HYDIN: variants seen among roughly 807,000 people sequenced by gnomAD.
HYDIN encodes the protein axonemal central pair apparatus protein HYDIN.
In HYDIN, 132 loss-of-function variants were observed where a neutral mutation model predicts 403.9. The observed-to-expected ratio is 0.33, with a 90% CI of 0.28 to 0.38. The LOEUF (loss-of-function observed/expected upper bound fraction) is 0.38, where lower values mean the gene tolerates loss of function less well. HYDIN is among the 10% of genes least tolerant of loss of function. The pLI is 1.00. For missense variants in HYDIN, 2,827 were observed against 5,009.5 expected, an observed-to-expected ratio of 0.56 and a Z score of 13.15; for synonymous variants, 1,202 against 1,891.7, an observed-to-expected ratio of 0.64 and a Z score of 9.46.
chr16:71,103,010 G>T (rs1318419995), intron 10 of HYDIN, among the ~76,000 whole-genome samples: 2 of 150,064 alleles, frequency 1.3e-5, no homozygotes, highest in African/African-American at 4.9e-5. Flanking sequence ...AATGCCTTGT[G>T]TTATACAGGA....
chr16:71,070,734 A>G (rs1490237884), intron 13 of HYDIN, among the ~76,000 whole-genome samples: 244 of 131,184 alleles, frequency 1.9e-3, no homozygotes, highest in Non-Finnish European at 3.0e-3. Context: ...GCATATTTCT[A>G]CTGGATGGAA....
intron 5 of HYDIN, among the ~76,000 whole-genome samples, chr16:71,172,645 C>T (rs1038599928): frequency 2.0e-5 from 3 of 151,956 alleles, no homozygotes; most frequent in Admixed American, 6.6e-5. Flanking sequence ...AGATGATGGG[C>T]GGGAGGGAAA....
At chr16:70,938,508 T>C (rs2077566964) in intron 44 of HYDIN, 106 bp downstream of exon 44, 2 of 721,702 alleles carry the variant, frequency 2.8e-6, no homozygotes, top group Admixed American at 2.5e-5. Context: ...CTGCAGCTCC[T>C]GCTGCCTGCC....
rs114079811 is a variant in HYDIN at position 70,806,938 on chromosome 16, G to A, written c.*642C>T. 0.042 allele frequency among the ~76,000 whole-genome samples: 6,341 copies of A among 152,160 alleles called. 466 individuals are homozygous for A. The highest frequency in any genetic ancestry group is 0.14 in the African/African-American group (5,958 of 41,476). Reference sequence around the variant, plus strand: ...ATCCAAGGCGGGGTGTGTATGTGTGGTGGGGGGAGCTGGGATCTCTATTAG... The same window carrying A: ...ATCCAAGGCGGGGTGTGTATGTGTGATGGGGGGAGCTGGGATCTCTATTAG... On this transcript the variant is annotated 3_prime_UTR_variant, in exon 86 of 86. Coordinates refer to ENST00000393567, the MANE Select transcript of HYDIN (RefSeq NM_001270974.2).
chr16:70,910,051 T>C lies in HYDIN; in HGVS notation c.8005-1190A>G, dbSNP rs1168848300. ...AAATAAGTATTAATCAAAGTTCCTATATTGTGTTTTGTTATGTTTCTTTTT... is the reference window on the plus strand; with the variant it reads ...AAATAAGTATTAATCAAAGTTCCTACATTGTGTTTTGTTATGTTTCTTTTT... On this transcript the variant is annotated intron_variant, in intron 47 of 85. Coordinates refer to ENST00000393567, the MANE Select transcript of HYDIN (RefSeq NM_001270974.2). 4.6e-5 allele frequency among the ~76,000 whole-genome samples: 7 copies of C among 152,178 alleles called. No individual in the cohort carries two copies. The East Asian group carries it at 5.8e-4, about 13-fold the overall frequency.
chr16:71,069,632 T>C lies in HYDIN; in HGVS notation c.1739-130A>G, dbSNP rs996578923. The C allele has an allele frequency of 2.0e-5, 13 of 635,272 alleles. No individual in the cohort carries two copies. In the African/African-American group the frequency reaches 2.4e-4, roughly 12 times the overall value. 39.4% of individuals were successfully genotyped at this position (635,272 alleles called of 1,614,324 possible). A position where few individuals can be genotyped will look rare whatever the true frequency, so the allele number is the denominator to read the frequency against. ...CTATTCATTACTACTTAACTCCAAC[T>C]TGCCCTAAATATTATTTTTATTGTT... is the stretch of plus-strand genomic sequence containing the variant. On this transcript the variant is annotated intron_variant, in intron 13 of 85. Transcript: ENST00000393567.
At chr16:70,847,249 C>T (rs879753119) in intron 75 of HYDIN, among the ~76,000 whole-genome samples, 166 of 152,246 alleles carry the variant, frequency 1.1e-3, no homozygotes, top group Non-Finnish European at 2.1e-3. Flanking sequence ...CAAATTGCAT[C>T]TTTATATAAG....
In HYDIN at chr16:70,895,973, C is replaced by A. The variant is rs2076190127; in HGVS notation, c.9148+8G>T. The A allele has an allele frequency of 3.7e-6, 6 of 1,601,878 alleles. No homozygotes were observed. Among genetic ancestry groups the A allele is most frequent in the Non-Finnish European group, 5.1e-6 (6 of 1,175,252 alleles). The stretch of plus-strand genomic sequence containing the variant: ...CCAAACATCCTGTCCTTGAAGGGCC[C>A]AACAGACCTTTGGGGAAGGTGATGT... On this transcript the variant is annotated splice_region_variant and intron_variant, in intron 54 of 85. Coordinates refer to ENST00000393567, the MANE Select transcript of HYDIN (RefSeq NM_001270974.2).
chr16:71,136,628 G>A (rs113065484), intron 8 of HYDIN, among the ~76,000 whole-genome samples: 18 of 143,488 alleles, frequency 1.3e-4, no homozygotes, highest in African/African-American at 3.3e-4. Flanking sequence ...TTAGCCGGGC[G>A]TGGTGGTGGG....
intron 39 of HYDIN, among the ~76,000 whole-genome samples, chr16:70,956,123 T>TTTCCTC (rs1400934772): frequency 1.3e-5 from 2 of 152,146 alleles, no homozygotes; most frequent in Non-Finnish European, 2.9e-5. Flanking sequence ...CAGGGTCTGT[T>TTTCCTC]TAAGAAACAG....
intron 48 of HYDIN, 63 bp from the exon 49 acceptor site, chr16:70,908,497 A>G: frequency 1.5e-6 from 2 of 1,363,882 alleles, no homozygotes; most frequent in Admixed American, 4.6e-5. Context: ...AGAAGACAGG[A>G]GAGCTGCCTG....
intron 18 of HYDIN, among the ~76,000 whole-genome samples, chr16:71,042,601 C>T (rs1305154896): frequency 6.6e-6 from 1 of 152,166 alleles, no homozygotes; most frequent in East Asian, 1.9e-4. Context: ...AAAAAATGGT[C>T]TATGACGACG....
chr16:70,981,211 A>G (rs1389919766), intron 29 of HYDIN, among the ~76,000 whole-genome samples, 180 bp downstream of exon 29: 1 of 152,264 alleles, frequency 6.6e-6, no homozygotes, highest in Non-Finnish European at 1.5e-5. Flanking sequence ...TGGGGCTGCC[A>G]TAGACGATTT....
intron 7 of HYDIN, among the ~76,000 whole-genome samples, chr16:71,150,500 T>C (rs1297530217): frequency 3.3e-5 from 5 of 152,012 alleles, no homozygotes; most frequent in East Asian, 3.9e-4. Context: ...AAATAATGCA[T>C]ATGGGGAAAC....
chr16:71,227,028 C>A (rs185132833), intron 1 of HYDIN, among the ~76,000 whole-genome samples: 2 of 152,086 alleles, frequency 1.3e-5, no homozygotes, highest in Non-Finnish European at 2.9e-5. Flanking sequence ...CTAGATCAAA[C>A]CCCTGGCATT....
At chr16:71,133,811 C>CTGAAGCCTCCATT (rs1568205873) in intron 8 of HYDIN, among the ~76,000 whole-genome samples, 1 of 148,504 alleles carries the variant, frequency 6.7e-6, no homozygotes. Context: ...CAGCCTCCAT[C>CTGAAGCCTCCATT]TCTGAAGAGA....
Position 70,818,399 on chromosome 16 carries a change from T to A in HYDIN, c.14601A>T (p.Glu4867Asp). ...GCAGGGCGATGTCGGGCATCCGGCA[T>A]TCCGTGGAGAAGGTCACCGAGTAGG... ...PLPYSVTFST[E>D]CRMPDIALPS... Residue 4867 changes from glutamate (E) to aspartate (D), a missense_variant, in exon 84 of 86, where the codon GAA becomes GAT. Glu to Asp is a conservative substitution (Grantham distance 45). Coordinates refer to ENST00000393567, the MANE Select transcript of HYDIN (RefSeq NM_001270974.2). The A allele has an allele frequency of 6.2e-7, 1 of 1,613,800 alleles. No individual in the cohort carries two copies. Among genetic ancestry groups the A allele is most frequent in the Non-Finnish European group, 8.5e-7 (1 of 1,179,824 alleles).
At chr16:70,913,108 T>G (rs1003678999) in intron 47 of HYDIN, among the ~76,000 whole-genome samples, 1 of 151,286 alleles carries the variant, frequency 6.6e-6, no homozygotes, top group Non-Finnish European at 1.5e-5. Context: ...TCTTTCGTAT[T>G]GCTTTTTTTT....
At chr16:71,063,503 C>T (rs1172062639) in intron 16 of HYDIN, among the ~76,000 whole-genome samples, 1 of 152,236 alleles carries the variant, frequency 6.6e-6, no homozygotes, top group Non-Finnish European at 1.5e-5. Context: ...TATGCCCAGT[C>T]CTGCTGTGCA....
Sources: allele counts gnomAD v4.1 joint callset (sites outside exome capture counted in the v4.1 genomes callset), GRCh38; gene constraint gnomAD v4.1.1; transcripts MANE v1.5; gene names NCBI Gene and HGNC (gene_info 2026-07-23, HGNC 2026-07-21).